MGAT5: variants seen among roughly 807,000 people sequenced by gnomAD.
The protein encoded by MGAT5 is alpha-1,6-mannosylglycoprotein 6-beta-N-acetylglucosaminyltransferase.
In MGAT5, 30 loss-of-function variants were observed where a neutral mutation model predicts 94.3. The observed-to-expected ratio is 0.32, with a 90% CI of 0.24 to 0.43. The LOEUF (loss-of-function observed/expected upper bound fraction) is 0.43. Among genes scored for constraint, MGAT5 ranks in the 20% least tolerant of loss-of-function variants. MGAT5 has a pLI of 1.00. For missense variants in MGAT5, 691 were observed against 905.5 expected, an observed-to-expected ratio of 0.76 and a Z score of 3.04; for synonymous variants, 310 against 322.9, an observed-to-expected ratio of 0.96 and a Z score of 0.43.
At chr2:134,176,628 G>A (rs532125531) in intron 1 of MGAT5, among the ~76,000 whole-genome samples, 33 of 133,060 alleles carry the variant, frequency 2.5e-4, no homozygotes, top group African/African-American at 9.0e-4. Flanking sequence ...AAGAATAAAC[G>A]ACTAGAAAAA....
chr2:134,288,637 A>G (rs1685158000), intron 2 of MGAT5, among the ~76,000 whole-genome samples: 1 of 152,256 alleles, frequency 6.6e-6, no homozygotes. Context: ...AATAAAAACT[A>G]ATAAGCATGA....
upstream of MGAT5, among the ~76,000 whole-genome samples, chr2:134,252,910 C>T (rs1292978477): frequency 6.6e-6 from 1 of 152,140 alleles, no homozygotes; most frequent in Non-Finnish European, 1.5e-5. Flanking sequence ...GCTGGCTGAC[C>T]TTTGCCAAGT....
At chr2:134,169,413 G>T (rs5023170) in intron 1 of MGAT5, among the ~76,000 whole-genome samples, 1 of 126,976 alleles carries the variant, frequency 7.9e-6, no homozygotes, top group African/African-American at 3.1e-5. Flanking sequence ...CACACACACA[G>T]ACACACACAC....
chr2:134,271,926 C>T (rs1469668161), intron 2 of MGAT5, among the ~76,000 whole-genome samples: 2 of 152,168 alleles, frequency 1.3e-5, no homozygotes, highest in African/African-American at 2.4e-5. Flanking sequence ...TGGAAAGGCC[C>T]TATGTGGTTT....
chr2:134,394,058 C>T (rs75507980), intron 10 of MGAT5, among the ~76,000 whole-genome samples: 6 of 152,150 alleles, frequency 3.9e-5, no homozygotes, highest in African/African-American at 9.7e-5. Flanking sequence ...CTGCCTCACA[C>T]GCCTTTTTCC....
chr2:134,245,439 A>G (rs564646240), intron 1 of MGAT5, among the ~76,000 whole-genome samples: 2 of 152,248 alleles, frequency 1.3e-5, no homozygotes, highest in South Asian at 4.1e-4. Flanking sequence ...TCCAGCAACC[A>G]CAGCTTCCTT....
In MGAT5 at chr2:134,169,817, T is replaced by C. The variant is rs562513076; in HGVS notation, c.-143+49526T>C. Among the ~76,000 whole-genome samples, 9 of 152,298 alleles carry C rather than the reference T, an allele frequency of 5.9e-5. No homozygotes were observed. In the South Asian group the frequency reaches 1.9e-3, roughly 32 times the overall value. ...TTTTGGTTTCTTGGTGACCAGGTGT[T>C]TTGCAAATGAACAGAGAGCCAAGGG... On this transcript the variant is annotated intron_variant, in intron 1 of 16. Transcript: ENST00000409645.
Position 134,182,791 on chromosome 2 carries a change from T to G in MGAT5, c.-143+62500T>G, listed in dbSNP as rs974251089. Among the ~76,000 whole-genome samples the G allele has an allele frequency of 2.5e-4, 35 of 140,872 alleles. 1 individual carries two copies. The highest frequency in any genetic ancestry group is 3.9e-4 in the Non-Finnish European group (26 of 65,926). 92.4% of individuals were successfully genotyped at this position (140,872 alleles called of 152,430 possible). ...ATGTTAGAAGATTAGTTTTTTTTTTTTTTTTTTTTTTTTGAGACAGAGTCT... is the reference window on the plus strand; with the variant it reads ...ATGTTAGAAGATTAGTTTTTTTTTTGTTTTTTTTTTTTTGAGACAGAGTCT... On this transcript the variant is annotated intron_variant, in intron 1 of 16. Coordinates refer to the MGAT5 transcript ENST00000409645.
chr2:134,354,698 A>G (rs960788666), intron 9 of MGAT5, among the ~76,000 whole-genome samples: 9 of 152,146 alleles, frequency 5.9e-5, no homozygotes, highest in African/African-American at 1.9e-4. Context: ...GTGTCCACAT[A>G]AACTATTCCT....
At chr2:134,289,478 T>C (rs909929962) in intron 2 of MGAT5, among the ~76,000 whole-genome samples, 8 of 152,174 alleles carry the variant, frequency 5.3e-5, no homozygotes, top group Admixed American at 2.0e-4. Flanking sequence ...CATGTAGATG[T>C]TGAGGGACTT....
At position 134,129,801 on chromosome 2, in the gene MGAT5, C is replaced by T. The variant is rs377183962; in HGVS notation, c.-143+9510C>T. Among the ~76,000 whole-genome samples the T allele has an allele frequency of 3.2e-4, 49 of 152,242 alleles. 1 individual carries two copies. Among genetic ancestry groups the T allele is most frequent in the African/African-American group, 1.1e-3 (47 of 41,538 alleles). On this transcript the variant is annotated intron_variant, in intron 1 of 16. Coordinates refer to the MGAT5 transcript ENST00000409645. ...TGACAATGTGCTAGCAGCCCTCGCT[C>T]GCTCTCAGCACCTCCTCGGCCTCAG...
At chr2:134,252,000 C>T (rs1016670979), upstream of MGAT5, among the ~76,000 whole-genome samples, 1 of 152,174 alleles carries the variant, frequency 6.6e-6, no homozygotes, top group Non-Finnish European at 1.5e-5. Context: ...CTTTCTGTGC[C>T]TGGATTATTT....
intron 2 of MGAT5, among the ~76,000 whole-genome samples, chr2:134,297,680 T>G (rs1685757406): frequency 6.6e-6 from 1 of 152,156 alleles, no homozygotes; most frequent in Non-Finnish European, 1.5e-5. Flanking sequence ...AAAATCTGAT[T>G]CATGAAAGCA....
intron 1 of MGAT5, among the ~76,000 whole-genome samples, chr2:134,196,628 G>C (rs1573842594): frequency 6.6e-6 from 1 of 152,340 alleles, no homozygotes; most frequent in East Asian, 1.9e-4. Context: ...AAGTGACATG[G>C]ATCTTTAGCT....
chr2:134,297,082 A>G (rs1685717440), intron 2 of MGAT5, among the ~76,000 whole-genome samples: 1 of 151,512 alleles, frequency 6.6e-6, no homozygotes, highest in Non-Finnish European at 1.5e-5. Context: ...TTGTGGTCCT[A>G]GCTACTTGGG....
chr2:134,327,489 T>A (rs12464493), intron 4 of MGAT5, among the ~76,000 whole-genome samples: 115,842 of 152,024 alleles, frequency 0.76, 45,131 homozygotes, highest in East Asian at 0.91. Context: ...TAAAGGCTAC[T>A]AAGTGACTAA....
chr2:134,385,343 T>C (rs1057148952), intron 10 of MGAT5, among the ~76,000 whole-genome samples: 3 of 152,134 alleles, frequency 2.0e-5, no homozygotes, highest in Admixed American at 2.0e-4. Context: ...ACCTGCCTCA[T>C]AATAACCAGC....
intron 11 of MGAT5, among the ~76,000 whole-genome samples, chr2:134,403,419 A>T (rs183128039): frequency 1.3e-5 from 2 of 152,344 alleles, no homozygotes; most frequent in African/African-American, 4.8e-5. Flanking sequence ...GGAAAAGGTA[A>T]AGCCCTGCCT....
intron 10 of MGAT5, among the ~76,000 whole-genome samples, chr2:134,389,781 C>T (rs777237179): frequency 5.3e-5 from 8 of 152,198 alleles, no homozygotes; most frequent in Non-Finnish European, 2.9e-5. Flanking sequence ...ACTATGTGGT[C>T]CTGAGTTCAG....
Sources: allele counts gnomAD v4.1 joint callset (sites outside exome capture counted in the v4.1 genomes callset), GRCh38; gene constraint gnomAD v4.1.1; transcripts MANE v1.5; gene names NCBI Gene and HGNC (gene_info 2026-07-23, HGNC 2026-07-21).